The following HMGB1 variants were observed in gnomAD, a reference collection of about 807,000 sequenced individuals.
HMGB1 encodes high mobility group protein B1.
For synonymous variants in HMGB1, 81 were observed against 84.0 expected (o/e 0.96, Z 0.19); for missense variants, 79 against 253.5 (o/e 0.31, Z 4.67).
intron 1 of HMGB1, among the ~76,000 whole-genome samples, chr13:30,610,246 A>C (rs963474416): frequency 4.6e-5 from 7 of 152,196 alleles, no homozygotes; most frequent in African/African-American, 1.7e-4. Flanking sequence ...AGTCAAAAGC[A>C]TGGGGAAGGA....
At chr13:30,495,849 G>A (rs1016435388) in intron 1 of HMGB1, among the ~76,000 whole-genome samples, 7 of 152,070 alleles carry the variant, frequency 4.6e-5, no homozygotes, top group Non-Finnish European at 1.0e-4. Flanking sequence ...CTTTTTCCAG[G>A]CCTTGAGTCA....
At chr13:30,545,158 C>T (rs994684395) in intron 1 of HMGB1, among the ~76,000 whole-genome samples, 8 of 151,946 alleles carry the variant, frequency 5.3e-5, no homozygotes, top group African/African-American at 1.2e-4. Context: ...GCTACCTAGT[C>T]GGATTTGAGA....
intron 1 of HMGB1, among the ~76,000 whole-genome samples, chr13:30,584,084 AAAGG>A (rs757718646): frequency 2.2e-4 from 33 of 152,162 alleles, no homozygotes; most frequent in African/African-American, 2.4e-4. Flanking sequence ...AGAGAGGAAG[AAAGG>A]AAGGAAGGAA....
chr13:30,556,027 G>GA (rs1188006714), intron 1 of HMGB1, among the ~76,000 whole-genome samples: 1 of 152,214 alleles, frequency 6.6e-6, no homozygotes, highest in East Asian at 1.9e-4. Context: ...AAAGATGTCA[G>GA]AAAAATCAGC....
intron 1 of HMGB1, among the ~76,000 whole-genome samples, chr13:30,485,519 G>C (rs1887345600): frequency 7.9e-6 from 1 of 126,436 alleles, no homozygotes; most frequent in Non-Finnish European, 1.8e-5. Flanking sequence ...CCTGCCTTGA[G>C]TACCTATGAC....
chr13:30,544,828 A>G (rs1869072906), intron 1 of HMGB1, among the ~76,000 whole-genome samples: 1 of 152,074 alleles, frequency 6.6e-6, no homozygotes, highest in South Asian at 2.1e-4. Flanking sequence ...TTAAAGATTT[A>G]CCTCCATTTT....
At chr13:30,507,725 G>A (rs567106118) in intron 1 of HMGB1, among the ~76,000 whole-genome samples, 6 of 152,274 alleles carry the variant, frequency 3.9e-5, no homozygotes, top group Admixed American at 3.9e-4. Flanking sequence ...TCAATTACAA[G>A]AGCCAGAGTT....
intron 1 of HMGB1, among the ~76,000 whole-genome samples, chr13:30,611,583 A>AT (rs1357707762): frequency 6.6e-6 from 1 of 152,068 alleles, no homozygotes; most frequent in East Asian, 1.9e-4. Flanking sequence ...AAAATTAATC[A>AT]TTTTTTCCTC....
intron 1 of HMGB1, among the ~76,000 whole-genome samples, chr13:30,482,915 G>A (rs753303735): frequency 1.3e-5 from 2 of 151,114 alleles, no homozygotes; most frequent in Non-Finnish European, 2.9e-5. Flanking sequence ...AGCCTCCTGG[G>A]TATCTAGGAC....
chr13:30,526,064 T>C (rs941912977), intron 1 of HMGB1, among the ~76,000 whole-genome samples: 2 of 152,174 alleles, frequency 1.3e-5, no homozygotes, highest in Non-Finnish European at 2.9e-5. Flanking sequence ...CAACTTTTAT[T>C]TCTTTTTTTT....
At chr13:30,604,780 C>T (rs1184905558) in intron 1 of HMGB1, among the ~76,000 whole-genome samples, 1 of 152,182 alleles carries the variant, frequency 6.6e-6, no homozygotes, top group Non-Finnish European at 1.5e-5. Flanking sequence ...ACCTCAGCCT[C>T]CCGAGTAGCT....
intron 1 of HMGB1, among the ~76,000 whole-genome samples, chr13:30,610,137 A>G (rs1950500447): frequency 6.6e-6 from 1 of 152,232 alleles, no homozygotes; most frequent in Admixed American, 6.5e-5. Flanking sequence ...AGAATACAGT[A>G]TATAACACAT....
chr13:30,590,530 G>A (rs1046160389), intron 1 of HMGB1, among the ~76,000 whole-genome samples: 6 of 152,112 alleles, frequency 3.9e-5, no homozygotes, highest in East Asian at 1.9e-4. Flanking sequence ...AGCCACGTGC[G>A]GGTAGTGGCT....
chr13:30,498,893 CTGT>C, intron 1 of HMGB1, among the ~76,000 whole-genome samples: 1 of 151,304 alleles, frequency 6.6e-6, no homozygotes, highest in South Asian at 2.1e-4. Context: ...AGTGATCCAC[CTGT>C]CTCAGCCTCC....
At chr13:30,524,350 A>G (rs78687303) in intron 1 of HMGB1, among the ~76,000 whole-genome samples, 110,978 of 141,108 alleles carry the variant, frequency 0.79, 43,221 homozygotes, top group Non-Finnish European at 0.84. Flanking sequence ...AAAAAAAAAA[A>G]AAAAAAAGAA....
chr13:30,465,907 G>C lies in HMGB1; in HGVS notation c.-126C>G, dbSNP rs1206259871. ...GCTGTGAGAGCGGGAGCCAGACGCA[G>C]CCTCCTCACTCTCTCCGCTCTGTAA... is the stretch of plus-strand genomic sequence containing the variant. On this transcript the variant is annotated 5_prime_UTR_variant, in exon 1 of 5. Coordinates refer to ENST00000341423, the MANE Select transcript of HMGB1 (RefSeq NM_002128.7). The C allele has an allele frequency of 2.0e-6, 2 of 985,830 alleles. No individual in the cohort carries two copies. Among genetic ancestry groups the C allele is most frequent in the Non-Finnish European group, 2.4e-6 (2 of 829,996 alleles). 61.1% of individuals were successfully genotyped at this position (985,830 alleles called of 1,614,324 possible).
intron 1 of HMGB1, among the ~76,000 whole-genome samples, chr13:30,588,925 C>T (rs528123159): frequency 1.5e-4 from 23 of 151,572 alleles, no homozygotes; most frequent in South Asian, 2.1e-4. Context: ...TAAAAAAAAA[C>T]GGTAAAAATA....
chr13:30,472,853 C>CTTT (rs11434170), intron 1 of HMGB1, among the ~76,000 whole-genome samples: 5,858 of 144,610 alleles, frequency 0.041, 146 homozygotes, highest in Non-Finnish European at 0.06. Context: ...ATACTGAAAA[C>CTTT]TTTTTTTTTT....
intron 1 of HMGB1, among the ~76,000 whole-genome samples, chr13:30,493,544 T>C (rs1321858065): frequency 2.6e-5 from 4 of 152,108 alleles, no homozygotes; most frequent in Non-Finnish European, 4.4e-5. Context: ...CCTGTAATCC[T>C]AGCACTTTGG....
Sources: allele counts gnomAD v4.1 joint callset (sites outside exome capture counted in the v4.1 genomes callset), GRCh38; gene constraint gnomAD v4.1.1; transcripts MANE v1.5; gene names NCBI Gene and HGNC (gene_info 2026-07-23, HGNC 2026-07-21).